Variants in TENM3 observed in about 807,000 individuals in gnomAD.
TENM3 encodes the protein teneurin-3.
TENM3 carries 63 observed loss-of-function variants against 255.1 expected under a neutral mutation model. The observed-to-expected ratio is 0.25, with a 90% CI of 0.20 to 0.30. The LOEUF (loss-of-function observed/expected upper bound fraction) is 0.30, where lower values mean the gene tolerates loss of function less well. TENM3 is among the 10% of genes least tolerant of loss of function. The pLI is 1.00. For missense variants in TENM3, 2,929 were observed against 3,461.1 expected, an observed-to-expected ratio of 0.85 and a Z score of 3.86; for synonymous variants, 1,306 against 1,322.3, an observed-to-expected ratio of 0.99 and a Z score of 0.27.
At chr4:181,476,173 C>T in the TENM3 span, among the ~76,000 whole-genome samples, 2 of 150,258 alleles carry the variant, frequency 1.3e-5, no homozygotes, top group African/African-American at 2.5e-5. Context: ...TTTGAAGCCC[C>T]GGAATGAAAG....
chr4:181,615,678 A>G, the TENM3 span, among the ~76,000 whole-genome samples: 3 of 152,148 alleles, frequency 2.0e-5, no homozygotes, highest in African/African-American at 7.2e-5. Context: ...GCTTAGAGAG[A>G]ATTTTTCCAT....
At chr4:182,655,625 T>C (rs1347599952) in intron 6 of TENM3, among the ~76,000 whole-genome samples, 2 of 152,268 alleles carry the variant, frequency 1.3e-5, no homozygotes, top group South Asian at 4.1e-4. Context: ...TATTCAGATT[T>C]GCAAGAAAAT....
At chr4:182,083,265 C>T in the TENM3 span, among the ~76,000 whole-genome samples, 1 of 152,046 alleles carries the variant, frequency 6.6e-6, no homozygotes, top group Non-Finnish European at 1.5e-5. Flanking sequence ...TTGGGAGAAC[C>T]CTAATGAGGC....
chr4:181,494,314 T>G, the TENM3 span, among the ~76,000 whole-genome samples: 1 of 152,192 alleles, frequency 6.6e-6, no homozygotes, highest in African/African-American at 2.4e-5. Context: ...GACAGAGTTT[T>G]GCTCTTGTTG....
In TENM3 at chr4:182,244,120, A is replaced by C. The variant is rs562357387; in HGVS notation, c.-76+644A>C. Among the ~76,000 whole-genome samples, 82 of 150,276 alleles carry C rather than the reference A, an allele frequency of 5.5e-4. 2 individuals carry two copies. In the South Asian group the frequency reaches 0.017, roughly 31 times the overall value. ...AGGCGCCCGCCACCACGCCCGGCTA[A>C]TTTTTTGTATTTTTAGTAGAGACGG... On this transcript the variant is annotated intron_variant, in intron 1 of 27. Coordinates refer to ENST00000511685, the MANE Select transcript of TENM3 (RefSeq NM_001080477.4).
intron 2 of TENM3, among the ~76,000 whole-genome samples, chr4:182,337,680 A>G (rs1764229923): frequency 6.6e-6 from 1 of 152,218 alleles, no homozygotes; most frequent in African/African-American, 2.4e-5. Flanking sequence ...TCTCCTTAGT[A>G]TTTACCCAAA....
chr4:182,073,286 C>A, the TENM3 span, among the ~76,000 whole-genome samples: 27 of 152,278 alleles, frequency 1.8e-4, no homozygotes, highest in Admixed American at 6.5e-4. Flanking sequence ...ATGGGGGAAA[C>A]CAGCCCCGTG....
At chr4:182,731,436 A>G (rs2152712846) in intron 16 of TENM3, among the ~76,000 whole-genome samples, 1 of 148,800 alleles carries the variant, frequency 6.7e-6, no homozygotes, top group Non-Finnish European at 1.5e-5. Flanking sequence ...TGAACCCAGG[A>G]GGCAGAGGTT....
At chr4:182,403,100 C>A (rs1487547872) in intron 3 of TENM3, among the ~76,000 whole-genome samples, 2 of 152,176 alleles carry the variant, frequency 1.3e-5, no homozygotes, top group Admixed American at 6.5e-5. Context: ...GTAATCCGAC[C>A]ATTTCCGAAG....
chr4:182,626,076 A>G (rs1156324778), intron 4 of TENM3, among the ~76,000 whole-genome samples: 2 of 152,242 alleles, frequency 1.3e-5, no homozygotes, highest in Non-Finnish European at 2.9e-5. Flanking sequence ...ACAGAGCCAG[A>G]GTTAAACATG....
chr4:181,591,749 T>A, the TENM3 span, among the ~76,000 whole-genome samples: 1 of 152,148 alleles, frequency 6.6e-6, no homozygotes, highest in Admixed American at 6.6e-5. Flanking sequence ...AATATGATAA[T>A]CTAAGGCCTG....
the TENM3 span, chr4:181,975,979 C>T: frequency 0.11 from 17,306 of 152,214 alleles, 1,023 homozygotes; most frequent in East Asian, 0.17. Flanking sequence ...TAGGCTCAGG[C>T]ATTCCTTTGC....
intron 3 of TENM3, chr4:182,350,272 C>A (rs1050855479): frequency 1.3e-5 from 2 of 152,266 alleles, no homozygotes; most frequent in Non-Finnish European, 2.9e-5. Flanking sequence ...ACACAGCTCT[C>A]TGTTAGCTGA....
At chr4:182,389,506 T>C (rs1768255466) in intron 3 of TENM3, among the ~76,000 whole-genome samples, 2 of 152,114 alleles carry the variant, frequency 1.3e-5, no homozygotes, top group Admixed American at 6.5e-5. Flanking sequence ...CTTTAAAAAT[T>C]AGCCATTTTA....
chr4:182,075,388 C>T, the TENM3 span, among the ~76,000 whole-genome samples: 3,045 of 151,896 alleles, frequency 0.02, 105 homozygotes, highest in African/African-American at 0.068. Flanking sequence ...TCAGTAGAGA[C>T]GGGGTTTCAC....
chr4:182,154,730 A>C (rs746346690), intron 1 of TENM3, among the ~76,000 whole-genome samples: 1 of 152,162 alleles, frequency 6.6e-6, no homozygotes, highest in South Asian at 2.1e-4. Flanking sequence ...ATAATATTGA[A>C]AGCAACTTGA....
intron 1 of TENM3, among the ~76,000 whole-genome samples, chr4:182,315,350 G>T (rs1388592525): frequency 6.6e-6 from 1 of 151,524 alleles, no homozygotes; most frequent in African/African-American, 2.4e-5. Context: ...TGTCCAAAAA[G>T]GTATTTATTT....
intron 3 of TENM3, among the ~76,000 whole-genome samples, chr4:182,508,685 A>G (rs371999600): frequency 3.8e-4 from 58 of 152,342 alleles, no homozygotes; most frequent in African/African-American, 1.2e-3. Context: ...GACTTTGTGC[A>G]ATTGAGTGAG....
rs181631572 is a variant in TENM3 at position 182,397,377 on chromosome 4, G to A, written c.511+50448G>A. On this transcript the variant is annotated intron_variant, in intron 3 of 27. Transcript: ENST00000511685. ...GATCGCACCACTGCACTGCAGCCTG[G>A]TGACAGAGCGAGACTCCATCTAAAA... Among the ~76,000 whole-genome samples the A allele has an allele frequency of 6.4e-3, 808 of 126,544 alleles. 7 individuals carry two copies. The highest frequency in any genetic ancestry group is 0.022 in the African/African-American group (762 of 34,432). 83.0% of individuals were successfully genotyped at this position (126,544 alleles called of 152,430 possible). A position where few individuals can be genotyped will look rare whatever the true frequency, so the allele number is the denominator to read the frequency against.
Sources: allele counts gnomAD v4.1 joint callset (sites outside exome capture counted in the v4.1 genomes callset), GRCh38; gene constraint gnomAD v4.1.1; transcripts MANE v1.5; gene names NCBI Gene and HGNC (gene_info 2026-07-23, HGNC 2026-07-21).